Variants in MARCHF3 observed in about 807,000 individuals in gnomAD.
MARCHF3 encodes membrane associated ring-CH-type finger 3, also known as E3 ubiquitin-protein ligase MARCHF3.
In MARCHF3, 13 loss-of-function variants were observed where a neutral mutation model predicts 24.2. The ratio of observed to expected loss-of-function variants is 0.54; its 90% CI spans 0.35 to 0.85. The LOEUF is 0.85. MARCHF3 is among the 40% of genes least tolerant of loss of function. The pLI is 0.01. For synonymous variants in MARCHF3, 144 were observed against 137.3 expected (o/e 1.05, Z -0.34); for missense variants, 276 against 325.0 (o/e 0.85, Z 1.16).
At chr5:126,980,789 C>T (rs1027355836) in intron 1 of MARCHF3, among the ~76,000 whole-genome samples, 7 of 152,174 alleles carry the variant, frequency 4.6e-5, no homozygotes, top group African/African-American at 1.4e-4. Context: ...CCATCTTCTG[C>T]CCAGTGTGGC....
intron 3 of MARCHF3, among the ~76,000 whole-genome samples, chr5:126,902,863 A>T (rs1309900251): frequency 1.3e-5 from 2 of 152,072 alleles, no homozygotes; most frequent in African/African-American, 4.8e-5. Context: ...GCTGGCACAA[A>T]GTATGGTTCC....
At chr5:126,895,130 G>A (rs936008222) in intron 3 of MARCHF3, among the ~76,000 whole-genome samples, 11 of 151,824 alleles carry the variant, frequency 7.2e-5, no homozygotes, top group Non-Finnish European at 1.0e-4. Flanking sequence ...CATTCTTCAC[G>A]TAGTTCTCGA....
chr5:126,886,163 G>A (rs187132396), intron 3 of MARCHF3, among the ~76,000 whole-genome samples: 139 of 152,230 alleles, frequency 9.1e-4, no homozygotes, highest in African/African-American at 3.1e-3. Flanking sequence ...AACACCAGGT[G>A]TTGTTATTAT....
chr5:126,998,889 G>A (rs1752032093), intron 1 of MARCHF3, among the ~76,000 whole-genome samples: 2 of 152,140 alleles, frequency 1.3e-5, no homozygotes, highest in African/African-American at 4.8e-5. Context: ...CCGAAGTCAA[G>A]GAACAAAGTA....
At chr5:126,911,773 G>T (rs1486230912) in intron 3 of MARCHF3, among the ~76,000 whole-genome samples, 1 of 152,316 alleles carries the variant, frequency 6.6e-6, no homozygotes, top group East Asian at 1.9e-4. Context: ...ATTTAGACTG[G>T]CCATGTAGGT....
intron 1 of MARCHF3, among the ~76,000 whole-genome samples, chr5:126,996,010 A>G (rs549523295): frequency 6.6e-6 from 1 of 152,244 alleles, no homozygotes; most frequent in African/African-American, 2.4e-5. Context: ...GACTCCAGAC[A>G]TTCCAGGCTT....
chr5:126,995,268 C>T (rs553373068), intron 1 of MARCHF3, among the ~76,000 whole-genome samples: 22 of 152,310 alleles, frequency 1.4e-4, no homozygotes, highest in Admixed American at 3.9e-4. Flanking sequence ...AGCACTAATA[C>T]GTAAATCAAT....
intron 1 of MARCHF3, among the ~76,000 whole-genome samples, chr5:126,920,282 AAAAC>A (rs1383637880): frequency 6.6e-6 from 1 of 152,160 alleles, no homozygotes; most frequent in African/African-American, 2.4e-5. Context: ...TTCAGACCGA[AAAAC>A]AAAGAGATGT....
chr5:126,895,793 G>T (rs551200155), intron 3 of MARCHF3, among the ~76,000 whole-genome samples: 1 of 152,158 alleles, frequency 6.6e-6, no homozygotes, highest in African/African-American at 2.4e-5. Flanking sequence ...CCCAGAGGTG[G>T]AGCCTACAGA....
intron 1 of MARCHF3, among the ~76,000 whole-genome samples, chr5:127,021,669 T>C (rs1169136344): frequency 6.6e-6 from 1 of 152,176 alleles, no homozygotes; most frequent in Non-Finnish European, 1.5e-5. Context: ...AACTGTGAGA[T>C]GTTGCCAGGG....
intron 1 of MARCHF3, among the ~76,000 whole-genome samples, chr5:126,982,890 C>G (rs1751436679): frequency 6.6e-6 from 1 of 152,214 alleles, no homozygotes; most frequent in Non-Finnish European, 1.5e-5. Context: ...TTGTCTCCCA[C>G]AAGGTCCAGG....
chr5:126,969,795 G>A (rs568840989), intron 1 of MARCHF3, among the ~76,000 whole-genome samples: 5 of 152,278 alleles, frequency 3.3e-5, no homozygotes, highest in African/African-American at 9.6e-5. Context: ...GGAGGCTGGG[G>A]TGGGGCCATT....
At chr5:126,870,873 T>C (rs1752944294) in intron 4 of MARCHF3, 82 bp from the exon 5 acceptor site, 1 of 1,549,252 alleles carries the variant, frequency 6.5e-7, no homozygotes. Context: ...AAATATGTCA[T>C]TTGAAAGAGC....
intron 1 of MARCHF3, among the ~76,000 whole-genome samples, chr5:126,975,178 A>G (rs567804548): frequency 0.01 from 1,587 of 152,268 alleles, 15 homozygotes; most frequent in Non-Finnish European, 0.016. Context: ...GATGGTCTCA[A>G]TCTCTTGACC....
At chr5:126,956,516 G>T (rs986949407) in intron 1 of MARCHF3, among the ~76,000 whole-genome samples, 1 of 151,546 alleles carries the variant, frequency 6.6e-6, no homozygotes, top group Admixed American at 6.6e-5. Context: ...GTGGTGGCGG[G>T]CACCTGTAAT....
intron 1 of MARCHF3, among the ~76,000 whole-genome samples, chr5:126,987,868 C>T (rs984500790): frequency 6.6e-6 from 1 of 152,236 alleles, no homozygotes; most frequent in East Asian, 1.9e-4. Flanking sequence ...GCACTAGAAA[C>T]CCATGATTTT....
intron 1 of MARCHF3, among the ~76,000 whole-genome samples, chr5:126,939,170 G>A (rs1299009439): frequency 6.6e-6 from 1 of 152,142 alleles, no homozygotes; most frequent in African/African-American, 2.4e-5. Context: ...ATTATAACAG[G>A]TGAACTCAAC....
intron 3 of MARCHF3, among the ~76,000 whole-genome samples, chr5:126,900,239 G>A (rs747231887): frequency 6.6e-6 from 1 of 152,058 alleles, no homozygotes; most frequent in Non-Finnish European, 1.5e-5. Context: ...TCATGCCAAT[G>A]AGCAAATGCA....
Position 126,901,695 on chromosome 5 carries a change from C to T in MARCHF3, c.393+13235G>A, listed in dbSNP as rs191855421. Among the ~76,000 whole-genome samples the T allele has an allele frequency of 6.6e-5, 10 of 152,218 alleles. No homozygotes were observed. The East Asian group carries it at 1.2e-3, about 18-fold the overall frequency. On this transcript the variant is annotated intron_variant, in intron 3 of 4. Coordinates refer to ENST00000308660, the MANE Select transcript of MARCHF3 (RefSeq NM_178450.5). ...GCTGGCAGGAGCCCTCAGCAGGGAGCGTTATGCATATTCTATAACTCTGCT... is the reference window on the plus strand; with the variant it reads ...GCTGGCAGGAGCCCTCAGCAGGGAGTGTTATGCATATTCTATAACTCTGCT...
Sources: allele counts gnomAD v4.1 joint callset (sites outside exome capture counted in the v4.1 genomes callset), GRCh38; gene constraint gnomAD v4.1.1; transcripts MANE v1.5; gene names NCBI Gene and HGNC (gene_info 2026-07-23, HGNC 2026-07-21).